BBS9: variants seen among roughly 807,000 people sequenced by gnomAD.
BBS9 encodes the protein protein PTHB1.
A neutral mutation model predicts 117.7 loss-of-function variants in BBS9; 89 were observed. The observed-to-expected ratio is 0.76, with a 90% confidence interval of 0.64 to 0.90. The LOEUF is 0.90. Ranked by LOEUF, BBS9 falls within the 40% of genes least tolerant of loss-of-function variation. The probability of loss-of-function intolerance (pLI) is 0.00; values close to 1 mark genes in which losing one functional copy is unlikely to be tolerated. For missense variants in BBS9, 982 were observed against 1,042.2 expected, an observed-to-expected ratio of 0.94 and a Z score of 0.80; for synonymous variants, 379 against 370.9, an observed-to-expected ratio of 1.02 and a Z score of -0.25.
At position 33,214,374 on chromosome 7, in the gene BBS9, C is replaced by G. The variant is rs1196490327; in HGVS notation, c.442+36783C>G. 3.3e-5 allele frequency among the ~76,000 whole-genome samples: 5 copies of G among 152,334 alleles called. No individual in the cohort carries two copies. The South Asian group carries it at 6.2e-4, about 19-fold the overall frequency. On this transcript the variant is annotated intron_variant, in intron 5 of 22. Transcript: ENST00000242067. Reference sequence around the variant, plus strand: ...GAGGGGAGGCATCTGTGATTCAAGACTGTGTCTCCGACCCTCTTCAGTGAC... The same window carrying G: ...GAGGGGAGGCATCTGTGATTCAAGAGTGTGTCTCCGACCCTCTTCAGTGAC...
At chr7:33,338,015 C>T (rs1462864753) in intron 10 of BBS9, among the ~76,000 whole-genome samples, 1 of 151,876 alleles carries the variant, frequency 6.6e-6, no homozygotes, top group Non-Finnish European at 1.5e-5. Context: ...TAGTGATGAC[C>T]TTGGGTGAGA....
At chr7:33,248,447 T>C (rs1795714585) in intron 5 of BBS9, among the ~76,000 whole-genome samples, 2 of 152,180 alleles carry the variant, frequency 1.3e-5, no homozygotes, top group South Asian at 4.1e-4. Context: ...TTACCAATTA[T>C]TAGTTACTAA....
intron 2 of BBS9, among the ~76,000 whole-genome samples, chr7:33,148,042 C>T (rs1244378246): frequency 6.6e-6 from 1 of 152,118 alleles, no homozygotes; most frequent in African/African-American, 2.4e-5. Context: ...GGTGATGTGA[C>T]TTAGGTTTCC....
At chr7:33,462,388 A>G (rs1839596747) in intron 19 of BBS9, among the ~76,000 whole-genome samples, 1 of 152,100 alleles carries the variant, frequency 6.6e-6, no homozygotes, top group South Asian at 2.1e-4. Flanking sequence ...ATGCAGTAAT[A>G]TAGTTGAGAC....
intron 5 of BBS9, among the ~76,000 whole-genome samples, chr7:33,245,125 C>T (rs1795133196): frequency 1.3e-5 from 2 of 152,130 alleles, no homozygotes; most frequent in South Asian, 2.1e-4. Context: ...AAGGATCATT[C>T]TGCTCCTTTG....
chr7:33,457,492 T>G (rs538999581), intron 19 of BBS9, among the ~76,000 whole-genome samples: 2 of 152,296 alleles, frequency 1.3e-5, no homozygotes, highest in South Asian at 4.1e-4. Flanking sequence ...TAATAAGCAC[T>G]GTCACTATAG....
At chr7:33,562,202 C>T (rs1299903879) in intron 21 of BBS9, among the ~76,000 whole-genome samples, 6 of 152,102 alleles carry the variant, frequency 3.9e-5, no homozygotes. Flanking sequence ...TTAGATTTAC[C>T]ATTGAAAATC....
At chr7:33,265,819 G>A (rs1798720104) in intron 7 of BBS9, among the ~76,000 whole-genome samples, 1 of 151,846 alleles carries the variant, frequency 6.6e-6, no homozygotes, top group African/African-American at 2.4e-5. Context: ...CTCTAGCCTG[G>A]GTGACAGAGC....
At chr7:33,314,397 G>T in intron 9 of BBS9, 1 of 297,508 alleles carries the variant, frequency 3.4e-6, no homozygotes, top group Non-Finnish European at 6.7e-6. Flanking sequence ...CTAGATTAGA[G>T]CTATTATTTG....
chr7:33,335,173 C>T (rs1233933515), intron 9 of BBS9, among the ~76,000 whole-genome samples: 1 of 152,160 alleles, frequency 6.6e-6, no homozygotes, highest in Admixed American at 6.5e-5. Flanking sequence ...TACTTTATGT[C>T]CTTTTCTCTT....
rs557138982 is a variant in BBS9, at chr7:33,581,264, A to G, written c.2522-23601A>G. ...ATAAGTAGTTTTTCTAGTAGAATTA[A>G]ATGATAGCAGAGTAAGTTCTTCTCA... On this transcript the variant is annotated intron_variant, in intron 21 of 22. Transcript: ENST00000242067. 6.6e-5 allele frequency among the ~76,000 whole-genome samples: 10 copies of G among 152,306 alleles called. No homozygotes were observed. In the East Asian group the frequency reaches 1.9e-3, roughly 29 times the overall value.
At chr7:33,404,782 G>A (rs374880177) in intron 19 of BBS9, among the ~76,000 whole-genome samples, 13 of 151,966 alleles carry the variant, frequency 8.6e-5, no homozygotes, top group African/African-American at 9.7e-5. Flanking sequence ...CAGTCATGTC[G>A]TCTGCAAACA....
chr7:33,335,539 G>A (rs77545101), intron 9 of BBS9, among the ~76,000 whole-genome samples: 2,139 of 152,168 alleles, frequency 0.014, 54 homozygotes, highest in African/African-American at 0.049. Context: ...CAAACTTAGG[G>A]AGGAAGCAAA....
intron 11 of BBS9, among the ~76,000 whole-genome samples, chr7:33,342,122 A>G (rs1816697495): frequency 6.6e-6 from 1 of 152,156 alleles, no homozygotes; most frequent in Admixed American, 6.5e-5. Context: ...GAGTGTCAAA[A>G]GATTAATTTT....
At chr7:33,547,531 A>AT (rs1012319669) in intron 21 of BBS9, among the ~76,000 whole-genome samples, 1 of 152,086 alleles carries the variant, frequency 6.6e-6, no homozygotes, top group African/African-American at 2.4e-5. Context: ...TACATGAAAA[A>AT]TTTTTTTTAA....
intron 19 of BBS9, 62 bp from the exon 20 acceptor site, chr7:33,505,401 T>A: frequency 6.5e-7 from 1 of 1,530,956 alleles, no homozygotes; most frequent in Non-Finnish European, 9.0e-7. Flanking sequence ...GTGCCAGACA[T>A]AATTTGTTGA....
rs1851012393 is a variant in BBS9 at position 33,534,146 on chromosome 7, G to A, written c.2491G>A (p.Ala831Thr). 1 of 1,614,092 alleles carries A rather than the reference G, an allele frequency of 6.2e-7. No individual in the cohort carries two copies. The highest frequency in any genetic ancestry group is 1.7e-5 in the Admixed American group (1 of 60,004). Residue 831 changes from alanine (A) to threonine (T), a missense_variant, in exon 21 of 23, where the codon GCA (alanine) becomes ACA (threonine). By Grantham distance (58) the Ala-to-Thr change is moderately conservative. Transcript: ENST00000242067. ...KGGRLCLSTD[A>T]AAPQTMVMPG... is the part of the protein sequence containing the mutation. ...TGGCCGTCTCTGCCTAAGTACCGAT[G>A]CAGCAGCCCCACAGACCATGGTCAT... is the stretch of plus-strand genomic sequence containing the variant.
chr7:33,220,934 C>A (rs1562823008), intron 5 of BBS9, among the ~76,000 whole-genome samples: 2 of 152,202 alleles, frequency 1.3e-5, no homozygotes, highest in African/African-American at 4.8e-5. Context: ...TTTACAACTA[C>A]AAAATTAAAG....
At chr7:33,504,848 C>A (rs913372037) in intron 19 of BBS9, among the ~76,000 whole-genome samples, 1 of 140,142 alleles carries the variant, frequency 7.1e-6, no homozygotes, top group Admixed American at 7.2e-5. Flanking sequence ...ACACCCTGAA[C>A]TTTTTTTTTT....
Sources: gnomAD v4.1 joint callset for allele counts (sites outside exome capture counted in the v4.1 genomes callset) on GRCh38, gnomAD v4.1.1 for gene constraint, MANE v1.5 for transcripts, NCBI Gene and HGNC (gene_info 2026-07-23, HGNC 2026-07-21) for gene names.